The following ANKIB1 variants were observed in gnomAD, a reference collection of about 807,000 sequenced individuals.
ANKIB1 encodes the protein ankyrin repeat and IBR domain-containing protein 1.
Under a neutral mutation model 122.1 loss-of-function variants are expected in ANKIB1, and 43 were observed. The ratio of observed to expected loss-of-function variants is 0.35; its 90% CI spans 0.28 to 0.45. The LOEUF (loss-of-function observed/expected upper bound fraction) is 0.45, where lower values mean the gene tolerates loss of function less well. Ranked by LOEUF, ANKIB1 falls within the 20% of genes least tolerant of loss-of-function variation. ANKIB1 has a pLI of 1.00. For synonymous variants in ANKIB1, 390 were observed against 442.0 expected, an observed-to-expected ratio of 0.88 and a Z score of 1.48; for missense variants, 992 against 1,329.5, an observed-to-expected ratio of 0.75 and a Z score of 3.95.
intron 1 of ANKIB1, among the ~76,000 whole-genome samples, chr7:92,282,725 G>C (rs1175736993): frequency 2.6e-5 from 4 of 152,138 alleles, no homozygotes; most frequent in Non-Finnish European, 5.9e-5. Flanking sequence ...TTGTGAAGGG[G>C]AAGTTAAAGT....
chr7:92,278,153 A>C (rs1434196607), intron 1 of ANKIB1, among the ~76,000 whole-genome samples: 3 of 152,078 alleles, frequency 2.0e-5, no homozygotes, highest in African/African-American at 7.2e-5. Context: ...CAGGAGGCTA[A>C]GGTGGGAAGA....
intron 9 of ANKIB1, among the ~76,000 whole-genome samples, chr7:92,361,252 AAAAT>A (rs1803939387): frequency 6.6e-6 from 1 of 152,250 alleles, no homozygotes; most frequent in Non-Finnish European, 1.5e-5. Context: ...GAAAGAATAT[AAAAT>A]AGAGTTACAA....
intron 1 of ANKIB1, among the ~76,000 whole-genome samples, chr7:92,278,830 T>G (rs192541097): frequency 2.0e-5 from 3 of 152,322 alleles, no homozygotes; most frequent in African/African-American, 7.2e-5. Context: ...GTAATCAAAC[T>G]GTCCCACTAA....
In ANKIB1 at chr7:92,352,645, T is replaced by G. The variant is rs747398058; in HGVS notation, c.1397+3T>G. The G allele has an allele frequency of 1.2e-6, 2 of 1,606,660 alleles. No homozygotes were observed. The highest frequency in any genetic ancestry group is 2.2e-5 in the South Asian group (2 of 89,464). On this transcript the variant is annotated splice_donor_region_variant and intron_variant, in intron 9 of 19. Coordinates refer to ENST00000265742, the MANE Select transcript of ANKIB1 (RefSeq NM_019004.2). The stretch of plus-strand genomic sequence containing the variant: ...GGAAAAGGACACCTCTTCTGCTGGT[T>G]AGTATAAGACAAGTTGGAATCAGCC...
chr7:92,325,831 A>G lies in ANKIB1; in HGVS notation c.670-1952A>G, dbSNP rs185869100. 9 of 315,712 alleles carry G rather than the reference A, an allele frequency of 2.9e-5. No homozygotes were observed. The East Asian group carries it at 3.9e-4, about 14-fold the overall frequency. The allele number at this position is 315,712 out of a possible 1,614,324, so 19.6% of individuals were successfully genotyped here. A position where few individuals can be genotyped will look rare whatever the true frequency, so the allele number is the denominator to read the frequency against. On this transcript the variant is annotated intron_variant, in intron 4 of 19. Transcript: ENST00000265742. ...TAATAGGCTGTTTCACAATCTTTCA[A>G]TGGTCTTTTGGTAGCAGTAGTATGC...
At chr7:92,390,523 A>G (rs376751276) in intron 15 of ANKIB1, among the ~76,000 whole-genome samples, 47 of 152,358 alleles carry the variant, frequency 3.1e-4, no homozygotes, top group African/African-American at 1.1e-3. Context: ...AAAAAGTTAC[A>G]GTATTTAAAA....
chr7:92,335,675 T>C (rs1344056930), intron 5 of ANKIB1, among the ~76,000 whole-genome samples: 2 of 152,000 alleles, frequency 1.3e-5, no homozygotes, highest in Non-Finnish European at 2.9e-5. Context: ...GCACTTTGGC[T>C]TTTTTATGCT....
intron 2 of ANKIB1, among the ~76,000 whole-genome samples, chr7:92,302,435 G>T (rs1802476034): frequency 6.6e-6 from 1 of 152,020 alleles, no homozygotes; most frequent in Non-Finnish European, 1.5e-5. Flanking sequence ...ATGCACCTTT[G>T]CATCTCTCTC....
intron 1 of ANKIB1, among the ~76,000 whole-genome samples, chr7:92,276,151 A>G (rs1435019466): frequency 1.3e-5 from 2 of 152,200 alleles, no homozygotes; most frequent in Admixed American, 6.5e-5. Flanking sequence ...TAGGTAATAC[A>G]TAGAGGTGAA....
intron 1 of ANKIB1, among the ~76,000 whole-genome samples, chr7:92,252,863 G>T (rs1019288780): frequency 2.6e-5 from 4 of 151,460 alleles, no homozygotes; most frequent in African/African-American, 4.8e-5. Context: ...TCCAGGGCTA[G>T]AGCCCTGGAA....
intron 7 of ANKIB1, among the ~76,000 whole-genome samples, chr7:92,347,754 A>G (rs1803570341): frequency 6.6e-6 from 1 of 152,168 alleles, no homozygotes; most frequent in African/African-American, 2.4e-5. Flanking sequence ...TCTGCTATTT[A>G]TTAGTTGTTG....
chr7:92,366,503 A>G (rs1804086903), intron 10 of ANKIB1, among the ~76,000 whole-genome samples: 1 of 152,204 alleles, frequency 6.6e-6, no homozygotes, highest in African/African-American at 2.4e-5. Context: ...ACTGCTGATC[A>G]TTCACTCAAG....
intron 1 of ANKIB1, among the ~76,000 whole-genome samples, chr7:92,290,391 G>A (rs1046266953): frequency 8.0e-5 from 12 of 150,432 alleles, no homozygotes; most frequent in African/African-American, 2.9e-4. Context: ...GTGTGTGTGT[G>A]TGTGTGTGTG....
intron 2 of ANKIB1, among the ~76,000 whole-genome samples, chr7:92,299,452 T>C (rs1361909666): frequency 6.6e-6 from 1 of 152,224 alleles, no homozygotes; most frequent in African/African-American, 2.4e-5. Context: ...AACTAATCTT[T>C]AAGAAATTAC....
At chr7:92,329,859 GTACCCAGAGTCCT>G (rs1803125484) in intron 5 of ANKIB1, among the ~76,000 whole-genome samples, 1 of 152,058 alleles carries the variant, frequency 6.6e-6, no homozygotes, top group South Asian at 2.1e-4. Context: ...CTAAATTGAA[GTACCCAGAGTCCT>G]AGTCTCCAGT....
intron 5 of ANKIB1, among the ~76,000 whole-genome samples, chr7:92,330,686 CA>C (rs1274373624): frequency 6.6e-6 from 1 of 151,788 alleles, no homozygotes; most frequent in African/African-American, 2.4e-5. Flanking sequence ...ACTAAAAATA[CA>C]AAAAATTAGC....
intron 7 of ANKIB1, chr7:92,348,105 A>G (rs559222385): frequency 3.9e-5 from 13 of 337,278 alleles, no homozygotes; most frequent in South Asian, 2.7e-4. Flanking sequence ...TGTCTTGATG[A>G]GAAATAATAA....
At chr7:92,364,136 A>G (rs1585127091) in intron 10 of ANKIB1, among the ~76,000 whole-genome samples, 1 of 151,736 alleles carries the variant, frequency 6.6e-6, no homozygotes, top group East Asian at 1.9e-4. Flanking sequence ...GGTGAAACCC[A>G]ATCTCTACTA....
At chr7:92,304,498 A>C (rs1364429721) in intron 2 of ANKIB1, among the ~76,000 whole-genome samples, 1 of 152,094 alleles carries the variant, frequency 6.6e-6, no homozygotes. Context: ...CTCTCAATTT[A>C]TGTTAAATTT....
Sources: allele counts gnomAD v4.1 joint callset (sites outside exome capture counted in the v4.1 genomes callset), GRCh38; gene constraint gnomAD v4.1.1; transcripts MANE v1.5; gene names NCBI Gene and HGNC (gene_info 2026-07-23, HGNC 2026-07-21).